TRA2B: variants seen among roughly 807,000 people sequenced by gnomAD.
TRA2B encodes transformer 2 beta homolog, also known as transformer-2 protein homolog beta.
Under a neutral mutation model 41.7 loss-of-function variants are expected in TRA2B, and 14 were observed. The ratio of observed to expected loss-of-function variants is 0.34; its 90% CI spans 0.22 to 0.53. The LOEUF is 0.53. Ranked by LOEUF, TRA2B falls within the 20% of genes least tolerant of loss-of-function variation. TRA2B has a pLI of 0.95. For synonymous variants in TRA2B, 130 were observed against 128.8 expected (o/e 1.01, Z -0.06); for missense variants, 167 against 396.8 (o/e 0.42, Z 4.92).
intron 1 of TRA2B, among the ~76,000 whole-genome samples, chr3:185,933,788 A>G (rs1193050086): frequency 1.4e-5 from 2 of 146,774 alleles, no homozygotes; most frequent in Admixed American, 1.4e-4. Flanking sequence ...ACTCTCTTGT[A>G]AATATAGCAC....
At chr3:185,937,231 G>A (rs1744397956) in intron 1 of TRA2B, 2 of 985,898 alleles carry the variant, frequency 2.0e-6, no homozygotes, top group Admixed American at 6.1e-5. Flanking sequence ...CCTTGGATTA[G>A]TTTCCATCTT....
rs1043637904 is a variant in TRA2B, at chr3:185,914,674, T to G, written c.*3041A>C. 1.3e-5 allele frequency among the ~76,000 whole-genome samples: 2 copies of G among 152,264 alleles called. No individual in the cohort carries two copies. The highest frequency in any genetic ancestry group is 3.9e-4 in the East Asian group (2 of 5,178). On this transcript the variant is annotated 3_prime_UTR_variant, in exon 9 of 9. Transcript: ENST00000453386. ...GTAGCATTCTGGCTTTTTGATGACA[T>G]TTGGCATAAGCTAGCATTAAGTCCA...
At chr3:185,934,052 ACTT>A (rs1744254236) in intron 1 of TRA2B, among the ~76,000 whole-genome samples, 1 of 152,134 alleles carries the variant, frequency 6.6e-6, no homozygotes, top group African/African-American at 2.4e-5. Context: ...ACAGTGAAGA[ACTT>A]CTTTTGGTTT....
At chr3:185,922,242 T>C (rs964808506) in intron 4 of TRA2B, 116 bp from the exon 5 acceptor site, 15 of 625,648 alleles carry the variant, frequency 2.4e-5, no homozygotes, top group Non-Finnish European at 3.8e-5. Flanking sequence ...TATCTTAATG[T>C]TAGCCAGAAC....
In TRA2B at chr3:185,938,003, C is replaced by T. The variant is rs868240035; in HGVS notation, c.-143G>A. 15 of 909,044 alleles carry T rather than the reference C, an allele frequency of 1.7e-5. No homozygotes were observed. Among genetic ancestry groups the T allele is most frequent in the African/African-American group, 1.6e-4 (10 of 60,700 alleles). 56.3% of individuals were successfully genotyped at this position (909,044 alleles called of 1,614,324 possible). ...GAGCCGAAATGCTCCGCACCGCCTC[C>T]GCACGGGCTCTAACTCTACCGGATG... On this transcript the variant is annotated 5_prime_UTR_variant, in exon 1 of 9. Coordinates refer to ENST00000453386, the MANE Select transcript of TRA2B (RefSeq NM_004593.3).
chr3:185,935,322 G>GTGT, intron 1 of TRA2B: 4 of 984,828 alleles, frequency 4.1e-6, no homozygotes, highest in Non-Finnish European at 4.8e-6. Context: ...ACAGATTTTA[G>GTGT]TGTTAATCTA....
At position 185,934,705 on chromosome 3, in the gene TRA2B, T is replaced by C. The variant is rs1744281347; in HGVS notation, c.36+3120A>G. 1.4e-5 allele frequency: 14 copies of C among 985,140 alleles called. No homozygotes were observed. The South Asian group carries it at 3.3e-4, about 23-fold the overall frequency. 61.0% of individuals were successfully genotyped at this position (985,140 alleles called of 1,614,324 possible). On this transcript the variant is annotated intron_variant, in intron 1 of 8. Coordinates refer to ENST00000453386, the MANE Select transcript of TRA2B (RefSeq NM_004593.3). The stretch of plus-strand genomic sequence containing the variant: ...GTTTTGAAAATTAGAATTTAGAGTT[T>C]AGGAGCTAAAACCAAGGAATATAAA...
At chr3:185,933,979 T>C (rs1359950676) in intron 1 of TRA2B, among the ~76,000 whole-genome samples, 3 of 152,138 alleles carry the variant, frequency 2.0e-5, no homozygotes, top group African/African-American at 7.2e-5. Context: ...TCAATCTCAA[T>C]GTAACCTCCA....
Position 185,914,674 on chromosome 3 carries a change from T to C in TRA2B, c.*3041A>G, listed in dbSNP as rs1043637904. Reference sequence around the variant, plus strand: ...GTAGCATTCTGGCTTTTTGATGACATTTGGCATAAGCTAGCATTAAGTCCA... The same window carrying C: ...GTAGCATTCTGGCTTTTTGATGACACTTGGCATAAGCTAGCATTAAGTCCA... On this transcript the variant is annotated 3_prime_UTR_variant, in exon 9 of 9. Coordinates refer to ENST00000453386, the MANE Select transcript of TRA2B (RefSeq NM_004593.3). Among the ~76,000 whole-genome samples the C allele has an allele frequency of 6.6e-6, 1 of 152,146 alleles. No homozygotes were observed. The highest frequency in any genetic ancestry group is 2.4e-5 in the African/African-American group (1 of 41,438).
At chr3:185,931,459 T>C (rs939885411) in intron 1 of TRA2B, 24 of 722,724 alleles carry the variant, frequency 3.3e-5, no homozygotes, top group Non-Finnish European at 4.1e-5. Context: ...AATTACCTAA[T>C]TTAAACGTTT....
Position 185,915,739 on chromosome 3 carries a change from T to TA in TRA2B, c.*1975dup, listed in dbSNP as rs994427847. Reference sequence around the variant, plus strand: ...AAGGATGGCTACACAACTAAAGGGCTAAAACTCAGGCTTTAGGATAGAAAC... The same window carrying TA: ...AAGGATGGCTACACAACTAAAGGGCTAAAAACTCAGGCTTTAGGATAGAAAC... On this transcript the variant is annotated 3_prime_UTR_variant, in exon 9 of 9. Coordinates refer to ENST00000453386, the MANE Select transcript of TRA2B (RefSeq NM_004593.3). Among the ~76,000 whole-genome samples, 19 of 152,270 alleles carry TA rather than the reference T, an allele frequency of 1.2e-4. No homozygotes were observed. The highest frequency in any genetic ancestry group is 4.6e-4 in the African/African-American group (19 of 41,560).
chr3:185,914,750 T>C lies in TRA2B; in HGVS notation c.*2965A>G, dbSNP rs74542454. Among the ~76,000 whole-genome samples the C allele has an allele frequency of 7.8e-4, 117 of 149,096 alleles. No individual in the cohort carries two copies. Among genetic ancestry groups the C allele is most frequent in the African/African-American group, 2.1e-3 (82 of 39,426 alleles). ...ACTGAGATGGCATGCTGAAGGAATA[T>C]TGGAGGCGTGTCCACTGCTAATAAA... is the stretch of plus-strand genomic sequence containing the variant. On this transcript the variant is annotated 3_prime_UTR_variant, in exon 9 of 9. Coordinates refer to ENST00000453386, the MANE Select transcript of TRA2B (RefSeq NM_004593.3).
At position 185,937,956 on chromosome 3, in the gene TRA2B, G is replaced by A. The variant is rs1402853623; in HGVS notation, c.-96C>T. 16 of 1,482,778 alleles carry A rather than the reference G, an allele frequency of 1.1e-5. No homozygotes were observed. The highest frequency in any genetic ancestry group is 1.2e-5 in the Non-Finnish European group (13 of 1,080,232). 91.9% of individuals were successfully genotyped at this position (1,482,778 alleles called of 1,614,324 possible). The stretch of plus-strand genomic sequence containing the variant: ...AGGCTCCGCCGCAGCCCCGCACGAC[G>A]CGCCGGTCGCCCAGCCGCTCAGAGC... On this transcript the variant is annotated 5_prime_UTR_variant, in exon 1 of 9. Transcript: ENST00000453386.
chr3:185,926,193 TA>T (rs11425526), intron 2 of TRA2B, among the ~76,000 whole-genome samples: 384 of 143,870 alleles, frequency 2.7e-3, no homozygotes, highest in South Asian at 0.014. Context: ...TGACCAACAT[TA>T]AAAAAAAAAA....
chr3:185,922,186 G>T (rs1433296133), intron 4 of TRA2B, 60 bp from the exon 5 acceptor site: 3 of 1,279,716 alleles, frequency 2.3e-6, no homozygotes, highest in Non-Finnish European at 3.4e-6. Context: ...TTATCCTGTG[G>T]CTATGAGTAA....
At chr3:185,934,936 A>G (rs1375531607) in intron 1 of TRA2B, 2 of 985,328 alleles carry the variant, frequency 2.0e-6, no homozygotes, top group East Asian at 1.1e-4. Context: ...CATCTGGTCC[A>G]TACATCAGTG....
chr3:185,934,280 T>C (rs755044163), intron 1 of TRA2B: 122 of 964,892 alleles, frequency 1.3e-4, no homozygotes, highest in African/African-American at 3.5e-4. Flanking sequence ...CTGGGCAAAA[T>C]AGCTATGAAA....
At chr3:185,923,759 G>C (rs138482035) in intron 4 of TRA2B, 37 bp downstream of exon 4, 12 of 1,567,750 alleles carry the variant, frequency 7.7e-6, no homozygotes, top group Non-Finnish European at 1.0e-5. Flanking sequence ...GTTAACAATA[G>C]AACTGATGGT....
rs751678322 is a variant in TRA2B, at chr3:185,916,723, T to C, written c.*992A>G. 1.6e-4 allele frequency: 24 copies of C among 152,632 alleles called. No individual in the cohort carries two copies. Among genetic ancestry groups the C allele is most frequent in the Non-Finnish European group, 3.2e-4 (22 of 68,046 alleles). The allele number at this position is 152,632 out of a possible 1,614,324, so 9.5% of individuals were successfully genotyped here. A position where few individuals can be genotyped will look rare whatever the true frequency, so the allele number is the denominator to read the frequency against. On this transcript the variant is annotated 3_prime_UTR_variant, in exon 9 of 9. Coordinates refer to ENST00000453386, the MANE Select transcript of TRA2B (RefSeq NM_004593.3). ...ATTATAATAGAACAAGAACACTTCTTTGTGAACAGCTGCACCAACATTTTT... is the reference window on the plus strand; with the variant it reads ...ATTATAATAGAACAAGAACACTTCTCTGTGAACAGCTGCACCAACATTTTT...
Sources: gnomAD v4.1 joint callset for allele counts (sites outside exome capture counted in the v4.1 genomes callset) on GRCh38, gnomAD v4.1.1 for gene constraint, MANE v1.5 for transcripts, NCBI Gene and HGNC (gene_info 2026-07-23, HGNC 2026-07-21) for gene names.